CACNA1B: variants seen among roughly 807,000 people sequenced by gnomAD.
CACNA1B encodes the protein calcium voltage-gated channel subunit alpha1 B, also known as voltage-dependent N-type calcium channel subunit alpha-1B.
CACNA1B carries 70 observed loss-of-function variants against 247.2 expected under a neutral mutation model. The ratio of observed to expected loss-of-function variants is 0.28; its 90% CI spans 0.23 to 0.35. CACNA1B has a LOEUF of 0.35. Among genes scored for constraint, CACNA1B ranks in the 10% least tolerant of loss-of-function variants. The pLI is 1.00. For missense variants in CACNA1B, 2,367 were observed against 3,197.4 expected (o/e 0.74, Z 6.26); for synonymous variants, 1,231 against 1,294.4 (o/e 0.95, Z 1.05).
At chr9:138,025,217 G>C (rs1564245095) in intron 20 of CACNA1B, 45 bp downstream of exon 20, 1 of 1,370,234 alleles carries the variant, frequency 7.3e-7, no homozygotes, top group Non-Finnish European at 1.0e-6. Flanking sequence ...ATCTTGTGCA[G>C]GTCCAGCAAC....
chr9:137,918,946 A>G (rs557969786), intron 6 of CACNA1B, among the ~76,000 whole-genome samples: 1 of 152,338 alleles, frequency 6.6e-6, no homozygotes, highest in Admixed American at 6.5e-5. Context: ...CTCTCTCTGT[A>G]GCCAATCAAG....
At chr9:137,978,090 C>CT (rs1564217845) in intron 12 of CACNA1B, among the ~76,000 whole-genome samples, 1 of 134,162 alleles carries the variant, frequency 7.5e-6, no homozygotes, top group Non-Finnish European at 1.6e-5. Flanking sequence ...GCACTGCCCT[C>CT]CCCCAGGAAG....
intron 15 of CACNA1B, among the ~76,000 whole-genome samples, chr9:137,988,906 GA>G (rs1554743379): frequency 1.3e-5 from 2 of 152,188 alleles, no homozygotes; most frequent in Non-Finnish European, 2.9e-5. Flanking sequence ...GGTGAATCTG[GA>G]CCAGGGTCCT....
At chr9:138,008,331 G>C (rs1033547623) in intron 16 of CACNA1B, among the ~76,000 whole-genome samples, 1 of 152,214 alleles carries the variant, frequency 6.6e-6, no homozygotes, top group African/African-American at 2.4e-5. Context: ...TGCTGGCCAC[G>C]AGCGTCCCCC....
At position 137,986,953 on chromosome 9, in the gene CACNA1B, C is replaced by T. The variant is rs1327961148; in HGVS notation, c.1974+99C>T. The T allele has an allele frequency of 1.1e-6, 1 of 900,172 alleles. No homozygotes were observed. The allele number at this position is 900,172 out of a possible 1,614,324, so 55.8% of individuals were successfully genotyped here. On this transcript the variant is annotated intron_variant, in intron 15 of 46. Transcript: ENST00000371372. The surrounding 1 kb of genome is among the most constrained non-coding windows in gnomAD (Gnocchi z 6.0). ...CCTGTCATTCCCTCCCTTGTTCCTC[C>T]ACACGGCCCAGATCACTGACTTTTC...
chr9:138,037,858 A>G (rs986340526), intron 20 of CACNA1B, among the ~76,000 whole-genome samples: 5 of 152,134 alleles, frequency 3.3e-5, no homozygotes, highest in Admixed American at 2.6e-4. Context: ...CTTTCCCTAA[A>G]TGGTTCTAGT....
chr9:138,086,721 C>T (rs1022112889), intron 36 of CACNA1B, among the ~76,000 whole-genome samples: 1 of 151,196 alleles, frequency 6.6e-6, no homozygotes, highest in Admixed American at 6.6e-5. Flanking sequence ...TGCGGATTTC[C>T]GTACCCTATG....
rs202038405 is a variant in CACNA1B, at chr9:138,023,695, G to A, written c.2952G>A (p.Lys984=). The A allele has an allele frequency of 1.3e-6, 2 of 1,537,800 alleles. No homozygotes were observed. The highest frequency in any genetic ancestry group is 1.8e-6 in the Non-Finnish European group (2 of 1,141,606). Residue 984 remains lysine (K), a synonymous_variant, in exon 19 of 47, where the codon AAG becomes AAA. Coordinates refer to ENST00000371372, the MANE Select transcript of CACNA1B (RefSeq NM_000718.4). ...EPARRHRARH[K]AQPAHEAVEK... ...CGCGGCGGCACCGGGCCCGGCACAA[G>A]GCGCAGCCTGCTCACGAGGCTGTGG... is the stretch of plus-strand genomic sequence containing the variant.
Position 137,917,485 on chromosome 9 carries a change from G to A in CACNA1B, c.966+54G>A. 2 of 1,506,072 alleles carry A rather than the reference G, an allele frequency of 1.3e-6. No individual in the cohort carries two copies. Among genetic ancestry groups the A allele is most frequent in the South Asian group, 2.4e-5 (2 of 83,084 alleles). The allele number at this position is 1,506,072 out of a possible 1,614,324, so 93.3% of individuals were successfully genotyped here. A position where few individuals can be genotyped will look rare whatever the true frequency, so the allele number is the denominator to read the frequency against. ...GGGCAGGCCCTGGACCTCCTGAGCT[G>A]GTGCCTCTGGGGGTCCATTTAGGGG... On this transcript the variant is annotated intron_variant, in intron 6 of 46. Coordinates refer to ENST00000371372, the MANE Select transcript of CACNA1B (RefSeq NM_000718.4). The surrounding 1 kb of genome is among the most constrained non-coding windows in gnomAD (Gnocchi z 5.5).
chr9:137,985,599 C>T (rs565661387), intron 13 of CACNA1B, among the ~76,000 whole-genome samples: 15 of 152,308 alleles, frequency 9.8e-5, no homozygotes, highest in Non-Finnish European at 1.8e-4. Flanking sequence ...CTGATGTGGG[C>T]GCCAGGGAGA....
In CACNA1B at chr9:138,007,009, T is replaced by A. The variant is rs1188034914; in HGVS notation, c.2092+125T>A. 1.6e-6 allele frequency: 1 copy of A among 637,662 alleles called. No individual in the cohort carries two copies. Among genetic ancestry groups the A allele is most frequent in the African/African-American group, 1.8e-5 (1 of 55,382 alleles). The allele number at this position is 637,662 out of a possible 1,614,324, so 39.5% of individuals were successfully genotyped here. A position where few individuals can be genotyped will look rare whatever the true frequency, so the allele number is the denominator to read the frequency against. On this transcript the variant is annotated intron_variant, in intron 16 of 46. Coordinates refer to ENST00000371372, the MANE Select transcript of CACNA1B (RefSeq NM_000718.4). This position sits in a 1 kb window ranked among gnomAD's most constrained non-coding sequence, Gnocchi z 4.1. The stretch of plus-strand genomic sequence containing the variant: ...GACGTGAGAGGTGCATTCTCAGAGC[T>A]GAGTGCAGATGGAGAACATTCTGCA...
At chr9:138,095,339 A>G (rs938008047) in intron 36 of CACNA1B, among the ~76,000 whole-genome samples, 4 of 152,238 alleles carry the variant, frequency 2.6e-5, no homozygotes, top group African/African-American at 9.6e-5. Context: ...GCAAATGGCA[A>G]ACAATCACAT....
chr9:137,970,331 C>T (rs1958131536), intron 10 of CACNA1B, among the ~76,000 whole-genome samples: 1 of 152,186 alleles, frequency 6.6e-6, no homozygotes, highest in Admixed American at 6.5e-5. Flanking sequence ...AACTAAGAAA[C>T]CCTTACACAG....
chr9:137,997,157 A>T (rs972671070), intron 15 of CACNA1B, among the ~76,000 whole-genome samples: 1 of 152,220 alleles, frequency 6.6e-6, no homozygotes, highest in Non-Finnish European at 1.5e-5. Context: ...ATAAGATTGC[A>T]GAGTTGCCGA....
At chr9:137,928,605 T>A (rs1479436399) in intron 6 of CACNA1B, among the ~76,000 whole-genome samples, 2 of 152,216 alleles carry the variant, frequency 1.3e-5, no homozygotes, top group East Asian at 3.8e-4. Context: ...ATCTTTTTTT[T>A]AAATAACACT....
chr9:137,978,557 G>A (rs1388650457), intron 12 of CACNA1B, among the ~76,000 whole-genome samples: 1 of 152,152 alleles, frequency 6.6e-6, no homozygotes, highest in Non-Finnish European at 1.5e-5. Context: ...TAGGAGTGCC[G>A]CCCCCCAAGG....
In CACNA1B at chr9:137,952,220, G is replaced by T; in HGVS notation, c.967-54G>T. Reference sequence around the variant, plus strand: ...GTTGGGGGCTGGGGGTGCTCCTGTGGCCGGGACTGTGTTTTGTCCCTGTCC... The same window carrying T: ...GTTGGGGGCTGGGGGTGCTCCTGTGTCCGGGACTGTGTTTTGTCCCTGTCC... On this transcript the variant is annotated intron_variant, in intron 6 of 46. Transcript: ENST00000371372. This position sits in a 1 kb window ranked among gnomAD's most constrained non-coding sequence, Gnocchi z 4.8. 2 of 1,438,768 alleles carry T rather than the reference G, an allele frequency of 1.4e-6. No individual in the cohort carries two copies. The highest frequency in any genetic ancestry group is 1.7e-5 in the Admixed American group (1 of 59,410). 89.1% of individuals were successfully genotyped at this position (1,438,768 alleles called of 1,614,324 possible).
chr9:137,890,286 G>A (rs1432395571), intron 3 of CACNA1B: 1 of 149,376 alleles, frequency 6.7e-6, no homozygotes, highest in Non-Finnish European at 1.5e-5. Context: ...GGGGACTGGA[G>A]AGCTGAAGGA....
intron 6 of CACNA1B, among the ~76,000 whole-genome samples, chr9:137,932,172 T>C (rs1170637431): frequency 6.6e-6 from 1 of 152,192 alleles, no homozygotes. Context: ...TTCTGAGCTT[T>C]CCATAAAATC....
Sources: gnomAD v4.1 joint callset for allele counts (sites outside exome capture counted in the v4.1 genomes callset) on GRCh38, gnomAD v4.1.1 for gene constraint, Gnocchi (gnomAD v3.1) non-coding constraint, MANE v1.5 for transcripts, NCBI Gene and HGNC (gene_info 2026-07-23, HGNC 2026-07-21) for gene names.